SLC39A11: variants seen among roughly 807,000 people sequenced by gnomAD.
The protein encoded by SLC39A11 is solute carrier family 39 member 11.
In SLC39A11, 33 loss-of-function variants were observed where a neutral mutation model predicts 36.1. The ratio of observed to expected loss-of-function variants is 0.91; its 90% CI spans 0.69 to 1.22. SLC39A11 has a LOEUF of 1.22. Ranked by LOEUF, SLC39A11 falls within the 50% of genes most tolerant of loss-of-function variation. The pLI is 0.00. For synonymous variants in SLC39A11, 166 were observed against 170.3 expected, an observed-to-expected ratio of 0.97 and a Z score of 0.20; for missense variants, 432 against 430.3, an observed-to-expected ratio of 1.00 and a Z score of -0.03.
intron 5 of SLC39A11, among the ~76,000 whole-genome samples, chr17:72,861,624 G>A (rs1411732637): frequency 1.6e-5 from 2 of 123,900 alleles, no homozygotes; most frequent in Admixed American, 8.7e-5. Context: ...ACAGATACAT[G>A]GGTAAATACA....
At chr17:73,005,069 C>T (rs890340720) in intron 4 of SLC39A11, among the ~76,000 whole-genome samples, 5 of 152,206 alleles carry the variant, frequency 3.3e-5, no homozygotes, top group African/African-American at 4.8e-5. Flanking sequence ...GAACTCAGCT[C>T]AACTGCAACC....
chr17:73,003,773 C>T (rs934450249), intron 4 of SLC39A11, among the ~76,000 whole-genome samples: 18 of 152,172 alleles, frequency 1.2e-4, no homozygotes, highest in African/African-American at 3.6e-4. Flanking sequence ...TCACAACTCT[C>T]TTACCTTGGC....
chr17:73,006,157 G>A (rs1213208864), intron 4 of SLC39A11, among the ~76,000 whole-genome samples: 1 of 152,080 alleles, frequency 6.6e-6, no homozygotes, highest in South Asian at 2.1e-4. Context: ...ATGGATAAGG[G>A]TGGCGTCCAT....
At chr17:72,783,018 A>AAAAAAAAAAAAAAG (rs566022305) in intron 6 of SLC39A11, among the ~76,000 whole-genome samples, 7 of 142,380 alleles carry the variant, frequency 4.9e-5, no homozygotes, top group African/African-American at 1.8e-4. Flanking sequence ...AAAAAAAAAA[A>AAAAAAAAAAAAAAG]AAAAGAAAAA....
intron 6 of SLC39A11, among the ~76,000 whole-genome samples, chr17:72,785,561 G>A (rs1024193910): frequency 3.3e-5 from 5 of 152,158 alleles, no homozygotes; most frequent in East Asian, 3.9e-4. Flanking sequence ...GGTAGAGGGC[G>A]GAGAGTGGAG....
At chr17:72,662,908 G>C (rs2070540209) in intron 7 of SLC39A11, among the ~76,000 whole-genome samples, 1 of 152,202 alleles carries the variant, frequency 6.6e-6, no homozygotes, top group Non-Finnish European at 1.5e-5. Flanking sequence ...TCATAAACTG[G>C]AAACCATGCA....
chr17:72,648,781 C>G (rs1318079455), intron 9 of SLC39A11, 22 bp downstream of exon 9: 10 of 1,613,968 alleles, frequency 6.2e-6, no homozygotes, highest in South Asian at 1.1e-5. Context: ...CAGGGACAGA[C>G]AGGGAGGGAA....
At chr17:72,879,257 G>A (rs113946214) in intron 5 of SLC39A11, among the ~76,000 whole-genome samples, 2 of 152,174 alleles carry the variant, frequency 1.3e-5, no homozygotes, top group Non-Finnish European at 2.9e-5. Flanking sequence ...AGGTGAGATT[G>A]AAAGTCCCAA....
At chr17:72,839,471 G>A (rs2078711665) in intron 6 of SLC39A11, 1 of 152,336 alleles carries the variant, frequency 6.6e-6, no homozygotes, top group South Asian at 2.1e-4. Flanking sequence ...GTACTGATTG[G>A]AGTGATGTGG....
At chr17:73,072,839 A>G (rs2060203917) in intron 3 of SLC39A11, among the ~76,000 whole-genome samples, 1 of 152,192 alleles carries the variant, frequency 6.6e-6, no homozygotes, top group South Asian at 2.1e-4. Context: ...ACCTTTGCCA[A>G]TGCACAGCGG....
Position 72,862,937 on chromosome 17 carries a change from T to G in SLC39A11, c.431-13133A>C, listed in dbSNP as rs150944755. ...TTACAGTGGTTCTTGAGCTTGAGCATGCAAAAACAAAACACAAAACAAACG... is the reference window on the plus strand; with the variant it reads ...TTACAGTGGTTCTTGAGCTTGAGCAGGCAAAAACAAAACACAAAACAAACG... On this transcript the variant is annotated intron_variant, in intron 5 of 9. Transcript: ENST00000255559. 5.8e-4 allele frequency among the ~76,000 whole-genome samples: 88 copies of G among 152,264 alleles called. 2 individuals carry two copies. In the East Asian group the frequency reaches 8.1e-3, roughly 14 times the overall value.
chr17:72,967,703 T>C (rs982061185), intron 4 of SLC39A11, among the ~76,000 whole-genome samples: 1 of 152,172 alleles, frequency 6.6e-6, no homozygotes. Context: ...CTGACATGTA[T>C]CTTCAGCTGG....
At chr17:72,875,097 CAG>C (rs1438780517) in intron 5 of SLC39A11, among the ~76,000 whole-genome samples, 1 of 152,018 alleles carries the variant, frequency 6.6e-6, no homozygotes. Context: ...AAAGAGGAGA[CAG>C]GGTTATTTTG....
In SLC39A11 at chr17:72,661,691, G is replaced by A. The variant is rs139717148; in HGVS notation, c.672-12423C>T. On this transcript the variant is annotated intron_variant, in intron 7 of 9. Coordinates refer to ENST00000255559, the MANE Select transcript of SLC39A11 (RefSeq NM_139177.4). ...CTGGGTACTCCCCGCAGGGCTGCCC[G>A]GCCCTACCTGCTCAGAGGAGCTGGC... Among the ~76,000 whole-genome samples the A allele has an allele frequency of 3.9e-5, 6 of 152,290 alleles. No homozygotes were observed. The South Asian group carries it at 6.2e-4, about 16-fold the overall frequency.
intron 6 of SLC39A11, among the ~76,000 whole-genome samples, chr17:72,813,960 T>A (rs1321927483): frequency 6.6e-6 from 1 of 152,170 alleles, no homozygotes; most frequent in Non-Finnish European, 1.5e-5. Flanking sequence ...TGAGAACCGC[T>A]TTCTTGAGAG....
chr17:73,015,598 C>A (rs1410553168), intron 4 of SLC39A11, among the ~76,000 whole-genome samples: 1 of 152,058 alleles, frequency 6.6e-6, no homozygotes, highest in Non-Finnish European at 1.5e-5. Context: ...TTTATTATTT[C>A]TTTGAGACAG....
chr17:72,707,980 AT>A (rs1267941179), intron 7 of SLC39A11, among the ~76,000 whole-genome samples: 11 of 152,250 alleles, frequency 7.2e-5, no homozygotes, highest in African/African-American at 2.7e-4. Context: ...CTACACTATA[AT>A]AATTTTGTAC....
At chr17:72,773,408 A>G (rs1438196320) in intron 6 of SLC39A11, among the ~76,000 whole-genome samples, 1 of 152,168 alleles carries the variant, frequency 6.6e-6, no homozygotes, top group Non-Finnish European at 1.5e-5. Flanking sequence ...ATGGTAGTGA[A>G]TAAGTATCAT....
At chr17:73,087,086 C>G (rs1165592075) in intron 2 of SLC39A11, among the ~76,000 whole-genome samples, 1 of 151,838 alleles carries the variant, frequency 6.6e-6, no homozygotes, top group African/African-American at 2.4e-5. Context: ...AAACAAAAAA[C>G]CCTGAAACTC....
Sources: allele counts gnomAD v4.1 joint callset (sites outside exome capture counted in the v4.1 genomes callset), GRCh38; gene constraint gnomAD v4.1.1; transcripts MANE v1.5; gene names NCBI Gene and HGNC (gene_info 2026-07-23, HGNC 2026-07-21).